Variants in ENOX2 observed in about 807,000 individuals in gnomAD.
ENOX2 encodes APK1 antigen.
ENOX2 carries 36 observed loss-of-function variants against 45.0 expected under a neutral mutation model. The observed-to-expected ratio is 0.80, with a 90% CI of 0.61 to 1.06. The LOEUF (loss-of-function observed/expected upper bound fraction) is 1.06, where lower values mean the gene tolerates loss of function less well. ENOX2 is among the 50% of genes least tolerant of loss of function. The pLI is 0.00. For synonymous variants in ENOX2, 174 were observed against 152.3 expected (o/e 1.14, Z -1.05); for missense variants, 423 against 462.5 (o/e 0.91, Z 0.78).
intron 2 of ENOX2, among the ~76,000 whole-genome samples, chrX:130,882,755 G>C (rs930739849): frequency 8.9e-6 from 1 of 111,771 alleles, no homozygotes; most frequent in Non-Finnish European, 1.9e-5. Flanking sequence ...CACTGTCTAG[G>C]TCTTTTGAAG....
chrX:130,792,341 C>T (rs1445043531), intron 2 of ENOX2, among the ~76,000 whole-genome samples: 6 of 111,871 alleles, frequency 5.4e-5, no homozygotes, highest in Non-Finnish European at 1.1e-4. Context: ...ATCTGTACAA[C>T]AAAATCCCAT....
At chrX:130,676,707 G>C (rs999418904) in intron 6 of ENOX2, among the ~76,000 whole-genome samples, 1 of 109,072 alleles carries the variant, frequency 9.2e-6, no homozygotes, top group African/African-American at 3.3e-5. Flanking sequence ...AATGTAAAAA[G>C]AGTATTCTCC....
At position 130,624,530 on chromosome X, in the gene ENOX2, T is replaced by A. The variant is rs370015010; in HGVS notation, c.*784A>T. The A allele has an allele frequency of 3.6e-5, 4 of 112,653 alleles. No individual in the cohort carries two copies. The East Asian group carries it at 1.1e-3, about 31-fold the overall frequency. The allele number at this position is 112,653 out of a possible 1,213,427, so 9.3% of individuals were successfully genotyped here. ...GTGCGTGTGTGCCCACACATGAGCA[T>A]ATTTTAATTCACAGAAAACTGAACA... On this transcript the variant is annotated 3_prime_UTR_variant, in exon 15 of 15. Transcript: ENST00000394363.
chrX:130,720,357 T>C (rs1479075648), intron 3 of ENOX2, among the ~76,000 whole-genome samples: 4 of 112,409 alleles, frequency 3.6e-5, no homozygotes, highest in Admixed American at 9.4e-5. Context: ...TCCTGGCCCA[T>C]CAAAGAATTT....
chrX:130,850,264 G>A (rs2078182567), intron 2 of ENOX2, among the ~76,000 whole-genome samples: 1 of 111,239 alleles, frequency 9.0e-6, no homozygotes, highest in African/African-American at 3.3e-5. Flanking sequence ...ACACCATCAA[G>A]GGCCCATTGG....
chrX:130,887,345 A>G (rs1202590768), intron 2 of ENOX2, among the ~76,000 whole-genome samples: 8 of 110,503 alleles, frequency 7.2e-5, no homozygotes, highest in African/African-American at 2.3e-4. Context: ...AACCCCCACT[A>G]TACCCTATCC....
chrX:130,877,918 T>C (rs1224690620), intron 2 of ENOX2, among the ~76,000 whole-genome samples: 2 of 111,971 alleles, frequency 1.8e-5, no homozygotes, highest in Non-Finnish European at 3.8e-5. Context: ...GCTAGCTAAG[T>C]AGTGCTGGCT....
chrX:130,777,571 G>A (rs927597633), intron 3 of ENOX2, among the ~76,000 whole-genome samples: 16 of 110,624 alleles, frequency 1.4e-4, no homozygotes, highest in Non-Finnish European at 2.8e-4. Context: ...TCTACCACTA[G>A]CCTCTATATT....
intron 3 of ENOX2, among the ~76,000 whole-genome samples, chrX:130,748,315 C>A (rs1306300137): frequency 1.8e-5 from 2 of 112,119 alleles, no homozygotes; most frequent in Non-Finnish European, 3.8e-5. Context: ...TTATTACCTT[C>A]CCCACTACAC....
intron 5 of ENOX2, among the ~76,000 whole-genome samples, chrX:130,683,411 A>C (rs1239777233): frequency 8.9e-6 from 1 of 112,191 alleles, no homozygotes; most frequent in African/African-American, 3.2e-5. Context: ...AAGGCTGGGG[A>C]ATTTTAATTA....
At chrX:130,648,528 C>T (rs1251644030) in intron 10 of ENOX2, among the ~76,000 whole-genome samples, 3 of 111,728 alleles carry the variant, frequency 2.7e-5, no homozygotes, top group Non-Finnish European at 5.6e-5. Flanking sequence ...AAAGAGAAGA[C>T]TCATCCTCTA....
chrX:130,849,803 CT>C (rs1205367165), intron 2 of ENOX2, among the ~76,000 whole-genome samples: 9 of 111,538 alleles, frequency 8.1e-5, no homozygotes, highest in East Asian at 2.8e-4. Flanking sequence ...CGGATTCCAA[CT>C]TTTTTTTAGC....
intron 5 of ENOX2, among the ~76,000 whole-genome samples, chrX:130,684,156 C>A (rs1315029271): frequency 8.9e-6 from 1 of 112,553 alleles, no homozygotes; most frequent in Non-Finnish European, 1.9e-5. Context: ...TTTTAAAGGG[C>A]TTTTGCCTAT....
intron 2 of ENOX2, among the ~76,000 whole-genome samples, chrX:130,840,719 T>C (rs1409146697): frequency 9.1e-6 from 1 of 109,424 alleles, no homozygotes; most frequent in African/African-American, 3.3e-5. Context: ...ATACAAAAAT[T>C]AGTCAGGCTT....
chrX:130,690,066 T>C (rs2037552269), intron 4 of ENOX2, among the ~76,000 whole-genome samples: 1 of 111,345 alleles, frequency 9.0e-6, no homozygotes, highest in African/African-American at 3.3e-5. Context: ...GTTAGAGGAT[T>C]GGATAGTATC....
chrX:130,675,526 G>T (rs1040222469), intron 6 of ENOX2, among the ~76,000 whole-genome samples: 7 of 112,347 alleles, frequency 6.2e-5, no homozygotes, highest in Non-Finnish European at 1.1e-4. Flanking sequence ...AATCAACGTT[G>T]AAAGAATTCA....
At chrX:130,881,278 C>T (rs2078803959) in intron 2 of ENOX2, among the ~76,000 whole-genome samples, 1 of 112,520 alleles carries the variant, frequency 8.9e-6, no homozygotes, top group African/African-American at 3.2e-5. Context: ...GGTTAGATAT[C>T]AGGAAACTAA....
chrX:130,723,028 C>T (rs962531921), intron 3 of ENOX2, among the ~76,000 whole-genome samples: 1 of 112,215 alleles, frequency 8.9e-6, no homozygotes, highest in African/African-American at 3.2e-5. Context: ...TGGCAAGTGC[C>T]AGAGATCCCA....
At chrX:130,869,144 C>T (rs1350804920) in intron 2 of ENOX2, among the ~76,000 whole-genome samples, 1 of 110,607 alleles carries the variant, frequency 9.0e-6, no homozygotes, top group Non-Finnish European at 1.9e-5. Context: ...ATTTTTAGTG[C>T]CACTCTCCTA....
Sources: gnomAD v4.1 joint callset for allele counts (sites outside exome capture counted in the v4.1 genomes callset) on GRCh38, gnomAD v4.1.1 for gene constraint, MANE v1.5 for transcripts, NCBI Gene and HGNC (gene_info 2026-07-23, HGNC 2026-07-21) for gene names.